Variants in UMODL1 observed in about 807,000 individuals in gnomAD.
UMODL1 encodes uromodulin like 1, also known as uromodulin-like 1.
In UMODL1, 128 loss-of-function variants were observed where a neutral mutation model predicts 136.3. The observed-to-expected ratio is 0.94, with a 90% CI of 0.81 to 1.09. The LOEUF is 1.09. Among genes scored for constraint, UMODL1 ranks in the 50% least tolerant of loss-of-function variants. The pLI, the probability that UMODL1 is intolerant of heterozygous loss-of-function variation, is 0.00. For synonymous variants in UMODL1, 721 were observed against 720.0 expected (o/e 1.00, Z -0.02); for missense variants, 1,766 against 1,725.6 (o/e 1.02, Z -0.41).
intron 22 of UMODL1, among the ~76,000 whole-genome samples, chr21:42,141,179 A>C (rs1485660949): frequency 6.6e-6 from 1 of 152,224 alleles, no homozygotes; most frequent in African/African-American, 2.4e-5. Flanking sequence ...CTCCCAGGTC[A>C]CCAGCAAAGC....
At chr21:42,086,585 G>C (rs115490606) in intron 4 of UMODL1, 15 of 455,578 alleles carry the variant, frequency 3.3e-5, no homozygotes, top group Non-Finnish European at 5.7e-5. Flanking sequence ...AAGCCACACT[G>C]CCTGGCCCTA....
At chr21:42,136,337 A>G (rs1016929437) in intron 21 of UMODL1, among the ~76,000 whole-genome samples, 13 of 152,182 alleles carry the variant, frequency 8.5e-5, no homozygotes, top group African/African-American at 1.2e-4. Context: ...CTCACCCTAA[A>G]TGCAACTTCA....
rs764069914 is a variant in UMODL1, at chr21:42,122,866, C to T, written c.2863C>T (p.Pro955Ser). The T allele has an allele frequency of 6.2e-7, 1 of 1,607,722 alleles. No homozygotes were observed. Among genetic ancestry groups the T allele is most frequent in the South Asian group, 1.1e-5 (1 of 90,878 alleles). Residue 955 changes from proline (P) to serine (S), a missense_variant, in exon 17 of 23, where the codon CCA (proline) becomes TCA (serine). Coordinates refer to ENST00000408910, the MANE Select transcript of UMODL1 (RefSeq NM_001004416.3). This position sits in a 1 kb window ranked among gnomAD's most constrained non-coding sequence, Gnocchi z 4.3. ...SPGNETWATS[P>S]ERPLTTAGTK... ...TGGCAATGAAACCTGGGCCACCAGCCCAGAGAGGCCTCTCACCACAGCAGG... is the reference window on the plus strand; with the variant it reads ...TGGCAATGAAACCTGGGCCACCAGCTCAGAGAGGCCTCTCACCACAGCAGG...
At chr21:42,107,474 G>A (rs2066738106) in intron 9 of UMODL1, among the ~76,000 whole-genome samples, 1 of 152,214 alleles carries the variant, frequency 6.6e-6, no homozygotes, top group Admixed American at 6.5e-5. Context: ...AGGGCCGTGA[G>A]TGAGGATCCT....
At position 42,119,152 on chromosome 21, in the gene UMODL1, C is replaced by A. The variant is rs140280465; in HGVS notation, c.2517C>A (p.Asp839Glu). The change falls in exon 15 of 23, where the codon GAC becomes GAA. Residue 839 changes from aspartate (D) to glutamate (E), a missense_variant. Coordinates refer to ENST00000408910, the MANE Select transcript of UMODL1 (RefSeq NM_001004416.3). ...CAGCCACCATGTGTCAGCACATGGACGCTGGTGGGGTCAGGATGGAAGTCG... is the reference window on the plus strand; with the variant it reads ...CAGCCACCATGTGTCAGCACATGGAAGCTGGTGGGGTCAGGATGGAAGTCG... ...SLPATMCQHM[D>E]AGGVRMEVVS... The A allele has an allele frequency of 6.2e-7, 1 of 1,613,864 alleles. No individual in the cohort carries two copies. Among genetic ancestry groups the A allele is most frequent in the Non-Finnish European group, 8.5e-7 (1 of 1,179,960 alleles).
At chr21:42,141,882 TGA>T (rs1325960677) in intron 22 of UMODL1, among the ~76,000 whole-genome samples, 1 of 152,204 alleles carries the variant, frequency 6.6e-6, no homozygotes, top group Admixed American at 6.5e-5. Flanking sequence ...ATCGCTCACC[TGA>T]GGGCAGGCAC....
chr21:42,107,950 C>T (rs2066745771), intron 9 of UMODL1, among the ~76,000 whole-genome samples: 1 of 152,214 alleles, frequency 6.6e-6, no homozygotes, highest in African/African-American at 2.4e-5. Context: ...CCTGGGCTCT[C>T]GCTGGCTCTG....
In UMODL1 at chr21:42,111,012, G is replaced by A; in HGVS notation, c.1790G>A (p.Gly597Asp). ...TCACCCAGTCCTGGGTACCCTCAGG[G>A]CACCCCGGCAGCAGGCCAGGCCTGG... Reference protein sequence around the residue: ...TLSPSPGYPQGTPAAGQAWTP... With the variant: ...TLSPSPGYPQDTPAAGQAWTP... Residue 597 changes from glycine to aspartate, a missense_variant, in exon 11 of 23, where the codon GGC (glycine) becomes GAC (aspartate). Gly to Asp is a moderately conservative substitution (Grantham distance 94, BLOSUM62 -1). Transcript: ENST00000408910. 1 of 1,612,794 alleles carries A rather than the reference G, an allele frequency of 6.2e-7. No individual in the cohort carries two copies. The highest frequency in any genetic ancestry group is 8.5e-7 in the Non-Finnish European group (1 of 1,179,644).
chr21:42,127,781 C>A lies in UMODL1; in HGVS notation c.3640C>A (p.His1214Asn). ...SFINDSIVYLHCKLRVCMESP... is the reference protein window; with the variant it reads ...SFINDSIVYLNCKLRVCMESP... ...TATCAACGACTCCATCGTCTACCTG[C>A]ACTGCAAACTCCGCGTCTGCATGGA... is the stretch of plus-strand genomic sequence containing the variant. The change falls in exon 20 of 23, where the codon CAC becomes AAC. Residue 1214 changes from histidine to asparagine, a missense_variant. Coordinates refer to ENST00000408910, the MANE Select transcript of UMODL1 (RefSeq NM_001004416.3). 1 of 1,614,220 alleles carries A rather than the reference C, an allele frequency of 6.2e-7. No individual in the cohort carries two copies. Among genetic ancestry groups the A allele is most frequent in the Non-Finnish European group, 8.5e-7 (1 of 1,180,050 alleles).
intron 8 of UMODL1, chr21:42,103,457 T>A (rs1373292588): frequency 5.6e-6 from 2 of 357,320 alleles, no homozygotes; most frequent in Admixed American, 7.3e-5. Context: ...TACAGCCTAG[T>A]AAGAGGGGGG....
At chr21:42,113,505 T>A in intron 12 of UMODL1, 68 bp from the exon 13 acceptor site, 1 of 1,545,708 alleles carries the variant, frequency 6.5e-7, no homozygotes, top group South Asian at 1.3e-5. Context: ...TTTTTGGCAT[T>A]GGGCGAGGCT....
chr21:42,119,441 C>G (rs2066942168), intron 15 of UMODL1, 117 bp downstream of exon 15: 8 of 872,398 alleles, frequency 9.2e-6, no homozygotes, highest in Non-Finnish European at 1.1e-5. Flanking sequence ...TCCTTCTTCC[C>G]CCAGAATTAG....
chr21:42,103,712 T>C (rs2066669082), intron 8 of UMODL1, 156 bp from the exon 9 acceptor site: 2 of 880,822 alleles, frequency 2.3e-6, no homozygotes, highest in Admixed American at 2.0e-5. Flanking sequence ...GTGAACGGAC[T>C]TCTCTGCGTG....
At chr21:42,138,544 A>G (rs1298377025) in intron 22 of UMODL1, among the ~76,000 whole-genome samples, 1 of 151,462 alleles carries the variant, frequency 6.6e-6, no homozygotes, top group African/African-American at 2.4e-5. Context: ...TCAGTGGGAA[A>G]CACCAAGACT....
intron 6 of UMODL1, among the ~76,000 whole-genome samples, chr21:42,092,766 G>A (rs985213212): frequency 2.6e-5 from 4 of 152,082 alleles, no homozygotes; most frequent in Admixed American, 1.3e-4. Flanking sequence ...CGCACTTCAC[G>A]CGCTCTGGGC....
Position 42,111,374 on chromosome 21 carries a change from ACCAGCCAGGCGAGCC to A in UMODL1, c.1900-124_1900-110del, listed in dbSNP as rs751967867. The A allele has an allele frequency of 6.0e-5, 96 of 1,611,016 alleles. 1 individual carries two copies. The highest frequency in any genetic ancestry group is 1.0e-4 in the Admixed American group (6 of 59,916). On this transcript the variant is annotated intron_variant, in intron 11 of 22. Coordinates refer to ENST00000408910, the MANE Select transcript of UMODL1 (RefSeq NM_001004416.3). ...CCAGGAGAGCCCCAGCCAGGGGAGC[ACCAGCCAGGCGAGCC>A]CCAGCCATAGGAACACTATCGGGGT...
chr21:42,089,188 C>T (rs569676987), intron 5 of UMODL1, among the ~76,000 whole-genome samples: 51 of 152,298 alleles, frequency 3.3e-4, no homozygotes, highest in Admixed American at 1.0e-3. Flanking sequence ...CGTACGGCTT[C>T]CTGTACCCAA....
chr21:42,099,054 A>G lies in UMODL1; in HGVS notation c.1060A>G (p.Arg354Gly), dbSNP rs757646299. The change falls in exon 7 of 23, where the codon AGG (arginine) becomes GGG (glycine). Residue 354 changes from arginine to glycine, a missense_variant. Coordinates refer to ENST00000408910, the MANE Select transcript of UMODL1 (RefSeq NM_001004416.3). The surrounding 1 kb of genome is among the most constrained non-coding windows in gnomAD (Gnocchi z 4.1). ...GGTTTACCGGGGTATGGAGTTGCTCAGGAGCGCCAGGACACAGAGCCAGGC... is the reference window on the plus strand; with the variant it reads ...GGTTTACCGGGGTATGGAGTTGCTCGGGAGCGCCAGGACACAGAGCCAGGC... Reference protein sequence around the residue: ...VRVYRGMELLRSARTQSQALA... With the variant: ...VRVYRGMELLGSARTQSQALA... 8 of 1,614,080 alleles carry G rather than the reference A, an allele frequency of 5.0e-6. No homozygotes were observed. The highest frequency in any genetic ancestry group is 6.8e-6 in the Non-Finnish European group (8 of 1,180,050).
At chr21:42,072,476 T>A (rs220277) in intron 1 of UMODL1, among the ~76,000 whole-genome samples, 68,522 of 152,014 alleles carry the variant, frequency 0.45, 16,107 homozygotes, top group Admixed American at 0.6. Flanking sequence ...ACAGTTCAGA[T>A]GCATAATGGG....
Sources: gnomAD v4.1 joint callset for allele counts (sites outside exome capture counted in the v4.1 genomes callset) on GRCh38, gnomAD v4.1.1 for gene constraint, Gnocchi (gnomAD v3.1) non-coding constraint, MANE v1.5 for transcripts, NCBI Gene and HGNC (gene_info 2026-07-23, HGNC 2026-07-21) for gene names.